Variants in BRD7 observed in about 807,000 individuals in gnomAD.
BRD7 encodes bromodomain-containing protein 7.
A neutral mutation model predicts 82.1 loss-of-function variants in BRD7; 15 were observed. The observed-to-expected ratio is 0.18, with a 90% confidence interval of 0.12 to 0.28. The LOEUF (loss-of-function observed/expected upper bound fraction) is 0.28, where lower values mean the gene tolerates loss of function less well. BRD7 is among the 10% of genes least tolerant of loss of function. The pLI is 1.00. For missense variants in BRD7, 638 were observed against 779.9 expected, an observed-to-expected ratio of 0.82 and a Z score of 2.17; for synonymous variants, 232 against 266.9, an observed-to-expected ratio of 0.87 and a Z score of 1.27.
chr16:50,360,627 T>C lies in BRD7; in HGVS notation c.259-5705A>G, dbSNP rs144341424. 6.4e-3 allele frequency among the ~76,000 whole-genome samples: 972 copies of C among 152,326 alleles called. 14 individuals are homozygous for C. The highest frequency in any genetic ancestry group is 0.022 in the African/African-American group (912 of 41,556). Reference sequence around the variant, plus strand: ...AGGATTTACCAGGTCGTGAGGTTTATTTATACTTTCATGTCTGATTCCTGG... The same window carrying C: ...AGGATTTACCAGGTCGTGAGGTTTACTTATACTTTCATGTCTGATTCCTGG... On this transcript the variant is annotated intron_variant, in intron 2 of 16. Coordinates refer to ENST00000394688, the MANE Select transcript of BRD7 (RefSeq NM_013263.5).
In BRD7 at chr16:50,334,789, C is replaced by T. The variant is rs575740128; in HGVS notation, c.809G>A (p.Gly270Asp). 6.2e-7 allele frequency: 1 copy of T among 1,614,114 alleles called. No homozygotes were observed. The highest frequency in any genetic ancestry group is 1.1e-5 in the South Asian group (1 of 91,084). The change falls in exon 7 of 17, where the codon GGC (glycine) becomes GAC (aspartate). Residue 270 changes from glycine (G) to aspartate (D), a missense_variant. Physicochemically the swap from Gly to Asp is moderately conservative, Grantham distance 94. Transcript: ENST00000394688. ...TDTSQSGEDG[G>D]CWQREREDSG... ...GTCCTCTCTCTCTCTCTGCCAGCAG[C>T]CTCCGTCCTCCCCACTCTGTGAGGT...
At chr16:50,334,918 T>C (rs774302970) in intron 6 of BRD7, 23 bp from the exon 7 acceptor site, 29 of 1,599,058 alleles carry the variant, frequency 1.8e-5, no homozygotes, top group Non-Finnish European at 2.1e-5. Flanking sequence ...GAAAATATTC[T>C]TATTATATGT....
chr16:50,340,786 G>A (rs1038965525), intron 5 of BRD7, among the ~76,000 whole-genome samples: 18 of 152,164 alleles, frequency 1.2e-4, no homozygotes, highest in African/African-American at 4.1e-4. Context: ...TTCCAAGTCC[G>A]CTATGTGCTG....
intron 6 of BRD7, among the ~76,000 whole-genome samples, chr16:50,339,276 G>A (rs528512999): frequency 2.0e-5 from 3 of 152,280 alleles, no homozygotes; most frequent in South Asian, 2.1e-4. Context: ...ATGAAGGGAC[G>A]CGTTCTGAGA....
intron 2 of BRD7, among the ~76,000 whole-genome samples, chr16:50,365,937 G>GCA (rs1193395025): frequency 6.6e-6 from 1 of 152,100 alleles, no homozygotes; most frequent in Non-Finnish European, 1.5e-5. Context: ...TGAACTGAAG[G>GCA]CACAAGTATT....
intron 2 of BRD7, among the ~76,000 whole-genome samples, chr16:50,362,632 T>G (rs2038974944): frequency 6.6e-6 from 1 of 152,178 alleles, no homozygotes; most frequent in Non-Finnish European, 1.5e-5. Flanking sequence ...GGAAGGACAT[T>G]CCAACACACG....
At chr16:50,341,776 T>C (rs1030044993) in intron 5 of BRD7, among the ~76,000 whole-genome samples, 6 of 151,748 alleles carry the variant, frequency 4.0e-5, no homozygotes, top group African/African-American at 9.7e-5. Context: ...GCCTATGAAC[T>C]GGCAAGAGTA....
At position 50,318,989 on chromosome 16, in the gene BRD7, T is replaced by C. The variant is rs2036947943; in HGVS notation, c.*222A>G. On this transcript the variant is annotated 3_prime_UTR_variant, in exon 17 of 17. Transcript: ENST00000394688. ...ATTGGAAGGCACTATTTTGAAAGAA[T>C]GCTGCACAGGTATGGCAACAGCCCC... is the stretch of plus-strand genomic sequence containing the variant. 2.1e-6 allele frequency: 1 copy of C among 478,650 alleles called. No homozygotes were observed. The highest frequency in any genetic ancestry group is 3.8e-6 in the Non-Finnish European group (1 of 266,380). 29.7% of individuals were successfully genotyped at this position (478,650 alleles called of 1,614,324 possible). A position where few individuals can be genotyped will look rare whatever the true frequency, so the allele number is the denominator to read the frequency against.
At chr16:50,334,189 G>C (rs1342781209) in intron 7 of BRD7, among the ~76,000 whole-genome samples, 1 of 152,232 alleles carries the variant, frequency 6.6e-6, no homozygotes, top group Non-Finnish European at 1.5e-5. Flanking sequence ...CTGGCTCCCA[G>C]TAGTGTGAAC....
At chr16:50,328,875 A>G (rs2151145917) in intron 8 of BRD7, 131 bp from the exon 9 acceptor site, 3 of 689,722 alleles carry the variant, frequency 4.3e-6, no homozygotes, top group Non-Finnish European at 7.4e-6. Context: ...ATATTTACAT[A>G]TACATAATGA....
intron 5 of BRD7, among the ~76,000 whole-genome samples, chr16:50,340,375 TATA>T (rs2037995884): frequency 6.6e-6 from 1 of 152,182 alleles, no homozygotes; most frequent in African/African-American, 2.4e-5. Flanking sequence ...GTTTCTTCAG[TATA>T]ATCTTACTGC....
chr16:50,332,131 C>G (rs934675934), intron 8 of BRD7, among the ~76,000 whole-genome samples: 1 of 152,156 alleles, frequency 6.6e-6, no homozygotes, highest in Admixed American at 6.5e-5. Flanking sequence ...CAAAAATTCA[C>G]AAGTGGGACC....
rs1481043411 is a variant in BRD7, at chr16:50,318,610, T to C, written c.*601A>G. The stretch of plus-strand genomic sequence containing the variant: ...AAGTAGAAATGTCACCTTTTGGTAA[T>C]CTGGTAATTCCCTGATCTATTCAAG... On this transcript the variant is annotated 3_prime_UTR_variant, in exon 17 of 17. Coordinates refer to ENST00000394688, the MANE Select transcript of BRD7 (RefSeq NM_013263.5). The C allele has an allele frequency of 6.6e-6, 1 of 152,264 alleles. No individual in the cohort carries two copies. The highest frequency in any genetic ancestry group is 1.5e-5 in the Non-Finnish European group (1 of 68,058). 9.4% of individuals were successfully genotyped at this position (152,264 alleles called of 1,614,324 possible).
intron 8 of BRD7, among the ~76,000 whole-genome samples, chr16:50,329,597 T>C (rs570613347): frequency 6.6e-6 from 1 of 152,286 alleles, no homozygotes; most frequent in East Asian, 1.9e-4. Context: ...TAGATGCCTG[T>C]GCGTGAGTAC....
intron 6 of BRD7, among the ~76,000 whole-genome samples, chr16:50,337,876 C>T (rs1316715046): frequency 7.9e-6 from 1 of 126,890 alleles, no homozygotes; most frequent in African/African-American, 2.5e-5. Context: ...AGCAAAAGAT[C>T]TGAAAAAAAG....
chr16:50,316,043 G>A lies in BRD7; in HGVS notation c.*3168C>T, dbSNP rs954964677. On this transcript the variant is annotated 3_prime_UTR_variant, in exon 17 of 17. Transcript: ENST00000394688. ...TTACATCTGTAAACGGTTTCAAACA[G>A]GTAGAGAGAAAAACACCACAATTAA... 6.5e-6 allele frequency: 1 copy of A among 153,394 alleles called. No homozygotes were observed. Among genetic ancestry groups the A allele is most frequent in the African/African-American group, 2.4e-5 (1 of 41,472 alleles). The allele number at this position is 153,394 out of a possible 1,614,324, so 9.5% of individuals were successfully genotyped here.
At chr16:50,354,123 CA>C (rs1367186883) in intron 4 of BRD7, among the ~76,000 whole-genome samples, 1 of 152,104 alleles carries the variant, frequency 6.6e-6, no homozygotes, top group East Asian at 1.9e-4. Context: ...CATCTATTAG[CA>C]AAGTGGAAAT....
At chr16:50,322,174 C>T (rs116482188) in intron 12 of BRD7, 136 bp from the exon 13 acceptor site, 4 of 649,158 alleles carry the variant, frequency 6.2e-6, no homozygotes, top group Non-Finnish European at 1.1e-5. Context: ...ATTTTTCAGG[C>T]CAAAATGACT....
intron 5 of BRD7, among the ~76,000 whole-genome samples, chr16:50,344,423 G>A (rs1473531685): frequency 6.6e-6 from 1 of 152,208 alleles, no homozygotes; most frequent in African/African-American, 2.4e-5. Context: ...ACTTTGATGA[G>A]TTGAGAGAAG....
Sources: gnomAD v4.1 joint callset for allele counts (sites outside exome capture counted in the v4.1 genomes callset) on GRCh38, gnomAD v4.1.1 for gene constraint, MANE v1.5 for transcripts, NCBI Gene and HGNC (gene_info 2026-07-23, HGNC 2026-07-21) for gene names.